The following ARSG variants were observed in gnomAD, a reference collection of about 807,000 sequenced individuals.
ARSG encodes the protein ASG.
ARSG carries 37 observed loss-of-function variants against 50.5 expected under a neutral mutation model. The ratio of observed to expected loss-of-function variants is 0.73; its 90% CI spans 0.56 to 0.96. ARSG has a LOEUF of 0.96. Among genes scored for constraint, ARSG ranks in the 50% least tolerant of loss-of-function variants. The probability of loss-of-function intolerance (pLI) is 0.00; values close to 1 mark genes in which losing one functional copy is unlikely to be tolerated. For synonymous variants in ARSG, 225 were observed against 254.6 expected (o/e 0.88, Z 1.11); for missense variants, 629 against 675.3 (o/e 0.93, Z 0.76).
chr17:68,389,507 C>A (rs2080892611), intron 9 of ARSG, among the ~76,000 whole-genome samples: 1 of 152,044 alleles, frequency 6.6e-6, no homozygotes, highest in Non-Finnish European at 1.5e-5. Context: ...CAGGGAAGAA[C>A]AATGCAGGAA....
chr17:68,401,892 T>A (rs76387838), intron 11 of ARSG, among the ~76,000 whole-genome samples: 11,494 of 152,208 alleles, frequency 0.076, 984 homozygotes, highest in African/African-American at 0.2. Context: ...ACTGTGACTA[T>A]CTGTCTCTTA....
downstream of ARSG, among the ~76,000 whole-genome samples, chr17:68,422,948 C>A (rs959974469): frequency 7.9e-5 from 12 of 152,014 alleles, no homozygotes; most frequent in African/African-American, 2.9e-4. Flanking sequence ...GCTCTCAGAG[C>A]AAAAGTAAAT....
At chr17:68,394,446 T>A (rs541632143) in intron 9 of ARSG, among the ~76,000 whole-genome samples, 102 of 151,872 alleles carry the variant, frequency 6.7e-4, no homozygotes, top group East Asian at 1.9e-3. Flanking sequence ...TACAAAAAAA[T>A]AAATAAATAA....
At chr17:68,364,360 G>T (rs958036079) in intron 6 of ARSG, among the ~76,000 whole-genome samples, 3 of 151,918 alleles carry the variant, frequency 2.0e-5, no homozygotes, top group African/African-American at 7.2e-5. Context: ...GTTTTTTGTT[G>T]TTGTTGTTGT....
At chr17:68,389,345 G>A (rs1197701730) in intron 9 of ARSG, among the ~76,000 whole-genome samples, 2 of 152,148 alleles carry the variant, frequency 1.3e-5, no homozygotes, top group East Asian at 3.9e-4. Context: ...AAATCAATGT[G>A]GCTGGGGCTA....
chr17:68,263,715 G>T (rs1555745728), intron 1 of ARSG, among the ~76,000 whole-genome samples: 2 of 152,178 alleles, frequency 1.3e-5, no homozygotes, highest in East Asian at 1.9e-4. Context: ...TTCCTGAAGT[G>T]CTGGGATTAC....
At chr17:68,262,087 C>T (rs1460755566) in intron 1 of ARSG, among the ~76,000 whole-genome samples, 22 of 148,096 alleles carry the variant, frequency 1.5e-4, no homozygotes, top group African/African-American at 5.3e-4. Flanking sequence ...AACCTGGAGG[C>T]GGAGGTTGCA....
intron 2 of ARSG, among the ~76,000 whole-genome samples, chr17:68,330,803 T>G (rs2077697120): frequency 6.6e-6 from 1 of 152,014 alleles, no homozygotes; most frequent in African/African-American, 2.4e-5. Flanking sequence ...CTGATGGCAT[T>G]GTGGAGGGCT....
At chr17:68,259,626 T>TA (rs1364243194) in intron 1 of ARSG, among the ~76,000 whole-genome samples, 2 of 152,260 alleles carry the variant, frequency 1.3e-5, no homozygotes, top group Non-Finnish European at 1.5e-5. Context: ...ATTTTAATAG[T>TA]ATATTCTGTT....
rs535844284 is a variant in ARSG, at chr17:68,332,079, G to A, written c.219-11525G>A. 9.2e-5 allele frequency among the ~76,000 whole-genome samples: 14 copies of A among 152,300 alleles called. No homozygotes were observed. The South Asian group carries it at 1.0e-3, about 11-fold the overall frequency. On this transcript the variant is annotated intron_variant, in intron 2 of 11. Transcript: ENST00000621439. ...AAATTTATTAGGTGGGAATTTCCTCGTCCTAATAAGCCTGGGAGCACTACG... is the reference window on the plus strand; with the variant it reads ...AAATTTATTAGGTGGGAATTTCCTCATCCTAATAAGCCTGGGAGCACTACG...
intron 1 of ARSG, among the ~76,000 whole-genome samples, chr17:68,304,607 C>T (rs537516254): frequency 1.9e-4 from 29 of 152,260 alleles, no homozygotes; most frequent in Admixed American, 7.2e-4. Flanking sequence ...TGTCATAATC[C>T]CAGGCCTATC....
chr17:68,405,648 A>G (rs1406351360), intron 11 of ARSG, among the ~76,000 whole-genome samples: 2 of 152,126 alleles, frequency 1.3e-5, no homozygotes, highest in Non-Finnish European at 2.9e-5. Context: ...CTCCATTCCA[A>G]TTTGGATGCT....
the ARSG span, among the ~76,000 whole-genome samples, chr17:68,434,203 G>A: frequency 2.0e-5 from 3 of 152,132 alleles, no homozygotes; most frequent in Non-Finnish European, 2.9e-5. Flanking sequence ...ACCTACATCC[G>A]ATAAGATCCC....
chr17:68,292,248 C>T (rs1295447278), intron 1 of ARSG, among the ~76,000 whole-genome samples: 1 of 152,168 alleles, frequency 6.6e-6, no homozygotes, highest in Non-Finnish European at 1.5e-5. Flanking sequence ...ACCCTCCAGG[C>T]AGTGGCGGCG....
At chr17:68,412,449 C>T (rs1428464992) in intron 11 of ARSG, among the ~76,000 whole-genome samples, 1 of 152,142 alleles carries the variant, frequency 6.6e-6, no homozygotes, top group African/African-American at 2.4e-5. Flanking sequence ...AATATTGGCC[C>T]CCACTCTCTT....
chr17:68,417,749 T>TTTTA (rs1321693598), intron 11 of ARSG, among the ~76,000 whole-genome samples: 38 of 123,886 alleles, frequency 3.1e-4, no homozygotes, highest in Admixed American at 2.3e-3. Flanking sequence ...TTTTTTTTTT[T>TTTTA]TTTTTTTTTT....
intron 4 of ARSG, 44 bp from the exon 5 acceptor site, chr17:68,351,529 GGA>G (rs758394480): frequency 3.5e-5 from 36 of 1,031,344 alleles, no homozygotes; most frequent in Non-Finnish European, 5.6e-5. Context: ...GCAAGCACAT[GGA>G]GTCGCAGCCA....
intron 2 of ARSG, among the ~76,000 whole-genome samples, chr17:68,337,785 T>A (rs1568485856): frequency 6.6e-6 from 1 of 151,888 alleles, no homozygotes; most frequent in Non-Finnish European, 1.5e-5. Context: ...GCCCGGCTAA[T>A]TTTGTATTTT....
the ARSG span, among the ~76,000 whole-genome samples, chr17:68,446,966 T>G: frequency 1.3e-5 from 2 of 152,238 alleles, no homozygotes; most frequent in Admixed American, 1.3e-4. Flanking sequence ...TGTGAGAGCA[T>G]GCTTCTGGGG....
Sources: gnomAD v4.1 joint callset for allele counts (sites outside exome capture counted in the v4.1 genomes callset) on GRCh38, gnomAD v4.1.1 for gene constraint, MANE v1.5 for transcripts, NCBI Gene and HGNC (gene_info 2026-07-23, HGNC 2026-07-21) for gene names.